Variants in PPP1R1C observed in about 807,000 individuals in gnomAD.
The protein encoded by PPP1R1C is protein phosphatase 1 regulatory inhibitor subunit 1C.
Under a neutral mutation model 17.4 loss-of-function variants are expected in PPP1R1C, and 15 were observed. The ratio of observed to expected loss-of-function variants is 0.86; its 90% CI spans 0.58 to 1.33. The LOEUF is 1.33. Among genes scored for constraint, PPP1R1C ranks in the 40% most tolerant of loss-of-function variants. The pLI is 0.00. For missense variants in PPP1R1C, 143 were observed against 130.0 expected, an observed-to-expected ratio of 1.10 and a Z score of -0.48; for synonymous variants, 35 against 43.1, an observed-to-expected ratio of 0.81 and a Z score of 0.73.
intron 2 of PPP1R1C, among the ~76,000 whole-genome samples, chr2:182,044,828 G>A (rs1023157968): frequency 6.6e-6 from 1 of 152,260 alleles, no homozygotes; most frequent in South Asian, 2.1e-4. Flanking sequence ...TTACATATAA[G>A]ACACAGATTA....
chr2:182,024,799 G>A (rs1042902971), intron 2 of PPP1R1C, among the ~76,000 whole-genome samples: 5 of 151,808 alleles, frequency 3.3e-5, no homozygotes, highest in Non-Finnish European at 7.4e-5. Flanking sequence ...AGGTTGCAGT[G>A]AGCTGAGATC....
At chr2:182,106,724 C>T (rs1321843776) in intron 4 of PPP1R1C, among the ~76,000 whole-genome samples, 1 of 152,276 alleles carries the variant, frequency 6.6e-6, no homozygotes, top group East Asian at 1.9e-4. Context: ...ACACAAGCCA[C>T]CTGCAGACAG....
At chr2:181,986,268 T>G in intron 1 of PPP1R1C, 77 bp downstream of exon 1, 1 of 1,177,022 alleles carries the variant, frequency 8.5e-7, no homozygotes. Flanking sequence ...AATTGAAAGG[T>G]TCTTTACCTT....
In PPP1R1C at chr2:182,117,215, C is replaced by T. The variant is rs970009484; in HGVS notation, c.250C>T (p.His84Tyr). ...AATTTTTATAATTTCAGGGGTTAAGCATCTGAAAGGCCAGAATGAATCAGC... is the reference window on the plus strand; with the variant it reads ...AATTTTTATAATTTCAGGGGTTAAGTATCTGAAAGGCCAGAATGAATCAGC... The part of the protein sequence containing the change: ...YTPPTIKGVK[H>Y]LKGQNESAFP... Residue 84 changes from histidine to tyrosine, a missense_variant, in exon 5 of 5, where the codon CAT (histidine) becomes TAT (tyrosine). Coordinates refer to ENST00000682840, the MANE Select transcript of PPP1R1C (RefSeq NM_001080545.3). 6.5e-7 allele frequency: 1 copy of T among 1,550,044 alleles called. No individual in the cohort carries two copies. Among genetic ancestry groups the T allele is most frequent in the Admixed American group, 2.0e-5 (1 of 51,154 alleles).
intron 2 of PPP1R1C, among the ~76,000 whole-genome samples, chr2:182,020,021 G>C: frequency 6.6e-6 from 1 of 152,104 alleles, no homozygotes; most frequent in South Asian, 2.1e-4. Flanking sequence ...ATTTGAAACT[G>C]GTTTAAACCA....
At chr2:182,063,710 C>T in intron 3 of PPP1R1C, 21 bp from the exon 4 acceptor site, 2 of 1,606,608 alleles carry the variant, frequency 1.2e-6, no homozygotes, top group Non-Finnish European at 1.7e-6. Flanking sequence ...AAGGCTTTTA[C>T]TTTTTTCTCT....
At chr2:182,044,612 C>A (rs1224444592) in intron 2 of PPP1R1C, among the ~76,000 whole-genome samples, 1 of 152,168 alleles carries the variant, frequency 6.6e-6, no homozygotes, top group Non-Finnish European at 1.5e-5. Flanking sequence ...ATATGCTTCT[C>A]GCACACTCGG....
At chr2:182,066,313 G>A (rs952267436) in intron 4 of PPP1R1C, among the ~76,000 whole-genome samples, 5 of 151,920 alleles carry the variant, frequency 3.3e-5, no homozygotes, top group African/African-American at 9.7e-5. Flanking sequence ...TTGTTACATC[G>A]GCATGTTATA....
chr2:182,041,300 G>A (rs1484028357), intron 2 of PPP1R1C, among the ~76,000 whole-genome samples: 1 of 152,096 alleles, frequency 6.6e-6, no homozygotes, highest in Non-Finnish European at 1.5e-5. Context: ...TTCTTATGAA[G>A]CACTTCTCTT....
intron 4 of PPP1R1C, 39 bp downstream of exon 4, chr2:182,063,830 G>GC: frequency 6.8e-7 from 1 of 1,472,292 alleles, no homozygotes; most frequent in Non-Finnish European, 9.5e-7. Flanking sequence ...CATGAGTGGT[G>GC]AATCATGGCT....
At chr2:181,992,606 G>A (rs1050592919) in intron 2 of PPP1R1C, among the ~76,000 whole-genome samples, 7 of 135,028 alleles carry the variant, frequency 5.2e-5, no homozygotes, top group Admixed American at 2.9e-4. Context: ...GATAAGTGCA[G>A]ATTTGGGTAA....
intron 4 of PPP1R1C, among the ~76,000 whole-genome samples, chr2:182,107,156 CA>C (rs1265817154): frequency 6.6e-6 from 1 of 152,132 alleles, no homozygotes; most frequent in Non-Finnish European, 1.5e-5. Context: ...AATACATTGC[CA>C]GGGGAAAATG....
chr2:182,095,946 G>T (rs1187737490), intron 4 of PPP1R1C, among the ~76,000 whole-genome samples: 1 of 150,294 alleles, frequency 6.7e-6, no homozygotes, highest in Non-Finnish European at 1.5e-5. Flanking sequence ...CTGCACTCCA[G>T]CCTGGGCAAC....
At chr2:182,073,962 A>T (rs889055622) in intron 4 of PPP1R1C, among the ~76,000 whole-genome samples, 1 of 152,030 alleles carries the variant, frequency 6.6e-6, no homozygotes, top group Non-Finnish European at 1.5e-5. Context: ...AGATTGCTTG[A>T]CACGTTGCCA....
intron 4 of PPP1R1C, among the ~76,000 whole-genome samples, chr2:182,078,649 G>A (rs1240259180): frequency 6.6e-6 from 1 of 152,326 alleles, no homozygotes; most frequent in South Asian, 2.1e-4. Context: ...ACTGGAGTAG[G>A]AGAAACGTGG....
chr2:181,987,728 T>G, intron 1 of PPP1R1C, 111 bp from the exon 2 acceptor site: 2 of 984,102 alleles, frequency 2.0e-6, no homozygotes, highest in Non-Finnish European at 3.1e-6. Context: ...TCCAGAAATT[T>G]GCTTTTGCAT....
chr2:182,053,232 T>C (rs546049059), intron 2 of PPP1R1C, among the ~76,000 whole-genome samples: 24 of 152,348 alleles, frequency 1.6e-4, no homozygotes, highest in African/African-American at 5.8e-4. Flanking sequence ...TGAAGATGTA[T>C]AATCTAGTTG....
At chr2:181,986,288 C>A in intron 1 of PPP1R1C, 97 bp downstream of exon 1, 2 of 940,240 alleles carry the variant, frequency 2.1e-6, no homozygotes, top group Non-Finnish European at 3.4e-6. Context: ...TTTGATTTTG[C>A]TAACTCTGAC....
At chr2:182,123,552 G>A (rs1689789960) in intron 5 of PPP1R1C, among the ~76,000 whole-genome samples, 1 of 152,256 alleles carries the variant, frequency 6.6e-6, no homozygotes, top group South Asian at 2.1e-4. Flanking sequence ...ATTTTAACTA[G>A]CCTGAGATGT....
Sources: gnomAD v4.1 joint callset for allele counts (sites outside exome capture counted in the v4.1 genomes callset) on GRCh38, gnomAD v4.1.1 for gene constraint, MANE v1.5 for transcripts, NCBI Gene and HGNC (gene_info 2026-07-23, HGNC 2026-07-21) for gene names.